Variants in NBEAL1 observed in about 807,000 individuals in gnomAD.
NBEAL1 encodes neurobeachin-like protein 1.
NBEAL1 carries 273 observed loss-of-function variants against 351.3 expected under a neutral mutation model. That is an observed-to-expected ratio of 0.78 (90% CI 0.70 to 0.86). The LOEUF (loss-of-function observed/expected upper bound fraction) is 0.86. NBEAL1 is among the 40% of genes least tolerant of loss of function. NBEAL1 has a pLI of 0.00. For synonymous variants in NBEAL1, 1,050 were observed against 1,086.4 expected, an observed-to-expected ratio of 0.97 and a Z score of 0.66; for missense variants, 2,961 against 3,201.3, an observed-to-expected ratio of 0.92 and a Z score of 1.81.
rs1351630755 is a variant in NBEAL1 at position 203,133,132 on chromosome 2, G to T, written c.3799G>T (p.Ala1267Ser). Residue 1267 changes from alanine (A) to serine (S), a missense_variant, in exon 27 of 56, where the codon GCC becomes TCC. Coordinates refer to ENST00000683969, the MANE Select transcript of NBEAL1 (RefSeq NM_001378026.1). ...SHRAHINVRV[A>S]ICRKVLQILQ... is the part of the protein sequence containing the mutation. The stretch of plus-strand genomic sequence containing the variant: ...CAGAGCACATATAAATGTTAGAGTG[G>T]CCATCTGCAGAAAGGTCAGTAAACT... 2 of 1,476,702 alleles carry T rather than the reference G, an allele frequency of 1.4e-6. No homozygotes were observed. Among genetic ancestry groups the T allele is most frequent in the Non-Finnish European group, 1.8e-6 (2 of 1,087,698 alleles). The allele number at this position is 1,476,702 out of a possible 1,614,324, so 91.5% of individuals were successfully genotyped here.
In NBEAL1 at chr2:203,016,283, C is replaced by A; in HGVS notation, c.-102C>A. ...TTTTTGCTTTCTTTACTGCTATGAGCTTTACTGAACGGCTGAAAAACTTGG... is the reference window on the plus strand; with the variant it reads ...TTTTTGCTTTCTTTACTGCTATGAGATTTACTGAACGGCTGAAAAACTTGG... On this transcript the variant is annotated 5_prime_UTR_variant, in exon 2 of 56. Coordinates refer to ENST00000683969, the MANE Select transcript of NBEAL1 (RefSeq NM_001378026.1). 3 of 752,376 alleles carry A rather than the reference C, an allele frequency of 4.0e-6. No homozygotes were observed. The highest frequency in any genetic ancestry group is 6.1e-6 in the Non-Finnish European group (3 of 490,850). The allele number at this position is 752,376 out of a possible 1,614,324, so 46.6% of individuals were successfully genotyped here.
At chr2:203,078,328 C>T (rs977122345) in intron 8 of NBEAL1, among the ~76,000 whole-genome samples, 2 of 151,892 alleles carry the variant, frequency 1.3e-5, no homozygotes, top group African/African-American at 4.8e-5. Flanking sequence ...CATCTAAGTG[C>T]TGTCATAAAC....
chr2:203,062,611 A>AT lies in NBEAL1; in HGVS notation c.515+5158_515+5159insT, dbSNP rs2061518905. 1 of 165,470 alleles carries AT rather than the reference A, an allele frequency of 6.0e-6. No individual in the cohort carries two copies. The allele number at this position is 165,470 out of a possible 1,614,324, so 10.3% of individuals were successfully genotyped here. ...ATAGGAAGATAATTCTGCATATGTA[A>AT]GATGGCAACAGAAAGGGGGGCAAAG... On this transcript the variant is annotated intron_variant, in intron 6 of 55. Coordinates refer to ENST00000683969, the MANE Select transcript of NBEAL1 (RefSeq NM_001378026.1). The surrounding 1 kb of genome is among the most constrained non-coding windows in gnomAD (Gnocchi z 4.2).
intron 31 of NBEAL1, among the ~76,000 whole-genome samples, chr2:203,140,598 G>A (rs1166275821): frequency 1.3e-5 from 2 of 151,776 alleles, no homozygotes; most frequent in African/African-American, 4.8e-5. Flanking sequence ...AAGTATATGG[G>A]CATTAAAGTA....
chr2:203,169,072 A>T (rs1037709524), intron 38 of NBEAL1, among the ~76,000 whole-genome samples: 3 of 152,076 alleles, frequency 2.0e-5, no homozygotes, highest in Non-Finnish European at 4.4e-5. Context: ...TGCAGAACTA[A>T]ATTTGAAGTA....
At chr2:203,070,135 A>T (rs2061656580) in intron 7 of NBEAL1, among the ~76,000 whole-genome samples, 1 of 152,134 alleles carries the variant, frequency 6.6e-6, no homozygotes. Flanking sequence ...TTTATTAAGT[A>T]GAGGAAGTCT....
intron 47 of NBEAL1, among the ~76,000 whole-genome samples, chr2:203,196,972 C>T (rs1299500204): frequency 6.6e-6 from 1 of 151,986 alleles, no homozygotes; most frequent in Admixed American, 6.6e-5. Flanking sequence ...TTATATGATC[C>T]GTATTTTCTA....
Position 203,119,424 on chromosome 2 carries a change from C to CTTTTTTTTTTTTTTTTTTTTTTTTTTTT in NBEAL1, c.2593-2810_2593-2809insTTTTTTTTTTTTTTTTTTTTTTTTTTTT, listed in dbSNP as rs57126638. 9.5e-4 allele frequency among the ~76,000 whole-genome samples: 63 copies of CTTTTTTTTTTTTTTTTTTTTTTTTTTTT among 66,654 alleles called. 13 individuals carry two copies. Among genetic ancestry groups the CTTTTTTTTTTTTTTTTTTTTTTTTTTTT allele is most frequent in the East Asian group, 2.1e-3 (3 of 1,434 alleles). The allele number at this position is 66,654 out of a possible 152,430, so 43.7% of individuals were successfully genotyped here. On this transcript the variant is annotated intron_variant, in intron 18 of 55. Transcript: ENST00000683969. ...GTGAGCCACTGCATACGGCCTGTTGCTTTTTTTTTTTTTTTTTTTTGAGAC... is the reference window on the plus strand; with the variant it reads ...GTGAGCCACTGCATACGGCCTGTTGCTTTTTTTTTTTTTTTTTTTTTTTTTTTTTTTTTTTTTTTTTTTTTTTTGAGAC...
chr2:203,107,818 G>T lies in NBEAL1; in HGVS notation c.1579G>T (p.Asp527Tyr), dbSNP rs756558259. The T allele has an allele frequency of 7.1e-6, 11 of 1,554,408 alleles. No individual in the cohort carries two copies. The African/African-American group carries it at 1.4e-4, about 19-fold the overall frequency. The change falls in exon 14 of 56, where the codon GAC becomes TAC. Residue 527 changes from aspartate (D) to tyrosine (Y), a missense_variant. Asp to Tyr is a radical substitution (Grantham distance 160). Transcript: ENST00000683969. The part of the protein sequence containing the change: ...NMGIRIIETL[D>Y]LHSSLHQTCA... ...GGGGATTAGAATCATTGAAACCCTTGACTTGCATTCTTCCCTCCATCAAAC... is the reference window on the plus strand; with the variant it reads ...GGGGATTAGAATCATTGAAACCCTTTACTTGCATTCTTCCCTCCATCAAAC...
At chr2:203,116,815 G>C (rs1324741611) in intron 18 of NBEAL1, among the ~76,000 whole-genome samples, 2 of 150,304 alleles carry the variant, frequency 1.3e-5, no homozygotes, top group Admixed American at 1.3e-4. Flanking sequence ...AAAGGGGGGG[G>C]CCCAGCACAG....
intron 7 of NBEAL1, among the ~76,000 whole-genome samples, chr2:203,074,418 C>T (rs2061735150): frequency 6.6e-6 from 1 of 150,514 alleles, no homozygotes; most frequent in Non-Finnish European, 1.5e-5. Context: ...GCCTCCGCCT[C>T]CCGGGTTCAA....
intron 2 of NBEAL1, among the ~76,000 whole-genome samples, chr2:203,035,067 A>G (rs2061020126): frequency 6.7e-6 from 1 of 149,170 alleles, no homozygotes; most frequent in African/African-American, 2.4e-5. Context: ...CCCTATTCTT[A>G]GCTGTAACCC....
Position 203,056,496 on chromosome 2 carries a change from C to G in NBEAL1, c.375C>G (p.Leu125=). ...YINYVITMTT[L]YIQQLKSKKK... ...ATTATGTCATCACCATGACAACACT[C>G]TATATTCAGCAAGTAGGTGTGAACT... The change falls in exon 5 of 56, where the codon CTC becomes CTG. Residue 125 remains leucine, a synonymous_variant. Transcript: ENST00000683969. 1.3e-6 allele frequency: 2 copies of G among 1,532,856 alleles called. No homozygotes were observed. The highest frequency in any genetic ancestry group is 1.8e-6 in the Non-Finnish European group (2 of 1,128,188). 95.0% of individuals were successfully genotyped at this position (1,532,856 alleles called of 1,614,324 possible).
chr2:203,188,541 C>T lies in NBEAL1; in HGVS notation c.6775C>T (p.Pro2259Ser). The change falls in exon 45 of 56, where the codon CCA (proline) becomes TCA (serine). Residue 2259 changes from proline (P) to serine (S), a missense_variant. By Grantham distance (74) the Pro-to-Ser change is moderately conservative (BLOSUM62 -1). Transcript: ENST00000683969. ...GATCTTTGGCTATAAACAGAGGGGA[C>T]CAGCTGCAGTAGAGGCACTCAACGT... is the stretch of plus-strand genomic sequence containing the variant. ...DLIFGYKQRG[P>S]AAVEALNVFY... 6.2e-7 allele frequency: 1 copy of T among 1,609,610 alleles called. No homozygotes were observed. Among genetic ancestry groups the T allele is most frequent in the East Asian group, 2.2e-5 (1 of 44,674 alleles).
At chr2:203,202,217 A>G (rs530152813) in intron 50 of NBEAL1, among the ~76,000 whole-genome samples, 10 of 152,326 alleles carry the variant, frequency 6.6e-5, no homozygotes, top group Admixed American at 3.3e-4. Flanking sequence ...TGTACCAGTC[A>G]ATCCTAAGAT....
intron 2 of NBEAL1, among the ~76,000 whole-genome samples, chr2:203,021,937 C>T (rs917498806): frequency 2.6e-5 from 4 of 151,370 alleles, no homozygotes; most frequent in Non-Finnish European, 5.9e-5. Flanking sequence ...TGTAATCCCA[C>T]CTACTCGGGA....
chr2:203,137,339 A>G lies in NBEAL1; in HGVS notation c.4565+565A>G, dbSNP rs996281029. On this transcript the variant is annotated intron_variant, in intron 29 of 55. Coordinates refer to ENST00000683969, the MANE Select transcript of NBEAL1 (RefSeq NM_001378026.1). Reference sequence around the variant, plus strand: ...CATATCGTTAAAATATCATTAGTGTATTTTATGTGTGGCCCAAGACAGTCC... The same window carrying G: ...CATATCGTTAAAATATCATTAGTGTGTTTTATGTGTGGCCCAAGACAGTCC... 8.5e-5 allele frequency among the ~76,000 whole-genome samples: 13 copies of G among 152,226 alleles called. No homozygotes were observed. In the East Asian group the frequency reaches 2.3e-3, roughly 27 times the overall value.
Position 203,172,860 on chromosome 2 carries a change from G to C in NBEAL1, c.6323+7G>C, listed in dbSNP as rs2064368559. 6.3e-7 allele frequency: 1 copy of C among 1,596,128 alleles called. No individual in the cohort carries two copies. The highest frequency in any genetic ancestry group is 1.4e-5 in the African/African-American group (1 of 74,068). ...CCAAAGCTATGAGAGAAAAGTAAGT[G>C]CTTCTTATTCCTTTTATAAAATACA... On this transcript the variant is annotated splice_region_variant and intron_variant, in intron 41 of 55. Transcript: ENST00000683969.
chr2:203,067,603 C>T (rs150449731), intron 6 of NBEAL1, among the ~76,000 whole-genome samples: 53 of 152,146 alleles, frequency 3.5e-4, no homozygotes, highest in African/African-American at 9.2e-4. Context: ...CATATTTAGA[C>T]GTACAGAATT....
Sources: allele counts gnomAD v4.1 joint callset (sites outside exome capture counted in the v4.1 genomes callset), GRCh38; gene constraint gnomAD v4.1.1; non-coding constraint Gnocchi (gnomAD v3.1); transcripts MANE v1.5; gene names NCBI Gene and HGNC (gene_info 2026-07-23, HGNC 2026-07-21).